The following SSBP2 variants were observed in gnomAD, a reference collection of about 807,000 sequenced individuals.
SSBP2 encodes single-stranded DNA-binding protein 2.
A neutral mutation model predicts 61.8 loss-of-function variants in SSBP2; 17 were observed. The ratio of observed to expected loss-of-function variants is 0.28; its 90% CI spans 0.19 to 0.41. SSBP2 has a LOEUF of 0.41. Ranked by LOEUF, SSBP2 falls within the 10% of genes least tolerant of loss-of-function variation. The pLI, the probability that SSBP2 is intolerant of heterozygous loss-of-function variation, is 1.00. For synonymous variants in SSBP2, 139 were observed against 141.3 expected, an observed-to-expected ratio of 0.98 and a Z score of 0.12; for missense variants, 310 against 458.7, an observed-to-expected ratio of 0.68 and a Z score of 2.96.
chr5:81,575,052 G>A (rs1344377937), intron 4 of SSBP2, among the ~76,000 whole-genome samples: 2 of 152,126 alleles, frequency 1.3e-5, no homozygotes, highest in East Asian at 3.9e-4. Flanking sequence ...GGTGGATCAC[G>A]AGGTCGAGAG....
At chr5:81,515,266 T>C (rs371606511) in intron 4 of SSBP2, among the ~76,000 whole-genome samples, 3 of 152,026 alleles carry the variant, frequency 2.0e-5, no homozygotes, top group Admixed American at 2.0e-4. Flanking sequence ...TATATCTTTA[T>C]GGCTGAAATT....
intron 10 of SSBP2, among the ~76,000 whole-genome samples, chr5:81,458,927 T>C (rs939265479): frequency 3.9e-5 from 6 of 152,186 alleles, no homozygotes; most frequent in African/African-American, 1.4e-4. Flanking sequence ...CTACTTTCTC[T>C]CTCTAAAGAG....
chr5:81,728,431 T>C (rs186843210), intron 1 of SSBP2, among the ~76,000 whole-genome samples: 130 of 152,342 alleles, frequency 8.5e-4, no homozygotes, highest in African/African-American at 3.0e-3. Flanking sequence ...GTTCCTTCTA[T>C]AACAGAGTTT....
intron 12 of SSBP2, among the ~76,000 whole-genome samples, chr5:81,443,631 T>A (rs1325959662): frequency 6.6e-6 from 1 of 152,154 alleles, no homozygotes; most frequent in Admixed American, 6.5e-5. Context: ...GGCACAATCT[T>A]GGCTCACTGC....
intron 1 of SSBP2, among the ~76,000 whole-genome samples, chr5:81,729,219 C>T (rs1462496410): frequency 6.6e-6 from 1 of 152,126 alleles, no homozygotes; most frequent in Admixed American, 6.5e-5. Context: ...TAAACTTACT[C>T]ATTTTTATGA....
At chr5:81,548,406 G>A (rs1031666584) in intron 4 of SSBP2, among the ~76,000 whole-genome samples, 7 of 152,140 alleles carry the variant, frequency 4.6e-5, no homozygotes, top group Non-Finnish European at 7.4e-5. Context: ...CAATTGTGCT[G>A]TGAAGTGTTC....
chr5:81,482,376 T>C (rs1020761525), intron 6 of SSBP2, among the ~76,000 whole-genome samples: 3 of 152,196 alleles, frequency 2.0e-5, no homozygotes, highest in Non-Finnish European at 4.4e-5. Flanking sequence ...AAGGAAGGCA[T>C]TGACTGACTA....
Position 81,473,046 on chromosome 5 carries a change from G to T in SSBP2, c.570+654C>A, listed in dbSNP as rs145378569. The stretch of plus-strand genomic sequence containing the variant: ...GCTTAAATGACAGCACACTGTTAAA[G>T]TATGGTTTGTTGTTATACCGATTTG... On this transcript the variant is annotated intron_variant, in intron 8 of 16. Transcript: ENST00000320672. Among the ~76,000 whole-genome samples, 152 of 152,322 alleles carry T rather than the reference G, an allele frequency of 1.0e-3. 1 individual carries two copies. Among genetic ancestry groups the T allele is most frequent in the African/African-American group, 3.4e-3 (140 of 41,576 alleles).
chr5:81,608,839 T>G (rs2153581190), intron 4 of SSBP2, among the ~76,000 whole-genome samples: 1 of 152,256 alleles, frequency 6.6e-6, no homozygotes, highest in African/African-American at 2.4e-5. Context: ...ATGAAGACGT[T>G]ACCTAAGGCA....
intron 4 of SSBP2, among the ~76,000 whole-genome samples, chr5:81,596,141 C>T (rs1743723123): frequency 6.6e-6 from 1 of 152,194 alleles, no homozygotes; most frequent in African/African-American, 2.4e-5. Context: ...TCAGCAAAGT[C>T]TCAGGATACA....
intron 1 of SSBP2, among the ~76,000 whole-genome samples, chr5:81,702,143 C>T (rs1033858057): frequency 8.6e-5 from 13 of 152,038 alleles, no homozygotes; most frequent in African/African-American, 1.9e-4. Flanking sequence ...GAGGCCGAGG[C>T]GGGTAGATCA....
intron 4 of SSBP2, among the ~76,000 whole-genome samples, chr5:81,532,213 A>G (rs1770469991): frequency 6.6e-6 from 1 of 152,102 alleles, no homozygotes; most frequent in Non-Finnish European, 1.5e-5. Flanking sequence ...GATCATAGAT[A>G]AAAAGGCCAG....
intron 8 of SSBP2, among the ~76,000 whole-genome samples, chr5:81,469,223 A>T (rs925876773): frequency 6.6e-6 from 1 of 151,926 alleles, no homozygotes; most frequent in Non-Finnish European, 1.5e-5. Context: ...GATTCTCCCA[A>T]TGATACCCTG....
rs79641900 is a variant in SSBP2, at chr5:81,484,746, T to C, written c.432+4504A>G. Among the ~76,000 whole-genome samples, 1,363 of 152,256 alleles carry C rather than the reference T, an allele frequency of 9.0e-3. 20 individuals carry two copies. Among genetic ancestry groups the C allele is most frequent in the African/African-American group, 0.031 (1,277 of 41,574 alleles). On this transcript the variant is annotated intron_variant, in intron 6 of 16. Transcript: ENST00000320672. ...TTTTTAATATGTACATACTATTTCA[T>C]CATTTCAATATACCATAATTTACTT...
At chr5:81,579,805 T>C (rs1774507415) in intron 4 of SSBP2, among the ~76,000 whole-genome samples, 1 of 152,148 alleles carries the variant, frequency 6.6e-6, no homozygotes, top group Non-Finnish European at 1.5e-5. Context: ...CCAGTTCCTG[T>C]CTGGACCAGC....
chr5:81,656,262 G>A (rs1489702931), intron 1 of SSBP2, among the ~76,000 whole-genome samples: 5 of 152,064 alleles, frequency 3.3e-5, no homozygotes, highest in Admixed American at 6.6e-5. Flanking sequence ...ATGTTGGCCA[G>A]GATGGTCTCA....
At chr5:81,583,439 C>A (rs573070398) in intron 4 of SSBP2, among the ~76,000 whole-genome samples, 10 of 152,060 alleles carry the variant, frequency 6.6e-5, no homozygotes, top group Non-Finnish European at 1.3e-4. Flanking sequence ...ACCATCCTGG[C>A]TAACACGGTG....
chr5:81,544,112 G>C (rs560362360), intron 4 of SSBP2, among the ~76,000 whole-genome samples: 16 of 152,096 alleles, frequency 1.1e-4, no homozygotes, highest in South Asian at 8.3e-4. Context: ...TGCAGTGGCG[G>C]GATCTCGGCT....
At chr5:81,488,119 T>C (rs996952784) in intron 6 of SSBP2, among the ~76,000 whole-genome samples, 2 of 144,440 alleles carry the variant, frequency 1.4e-5, no homozygotes, top group African/African-American at 4.9e-5. Context: ...TATCCATTCA[T>C]TCACCGATAA....
Sources: gnomAD v4.1 joint callset for allele counts (sites outside exome capture counted in the v4.1 genomes callset) on GRCh38, gnomAD v4.1.1 for gene constraint, MANE v1.5 for transcripts, NCBI Gene and HGNC (gene_info 2026-07-23, HGNC 2026-07-21) for gene names.